Variants in PARG observed in about 807,000 individuals in gnomAD.
PARG encodes the protein mitochondrial poly(ADP-ribose) glycohydrolase.
A neutral mutation model predicts 113.0 loss-of-function variants in PARG; 35 were observed. The observed-to-expected ratio is 0.31, with a 90% CI of 0.24 to 0.41. The LOEUF (loss-of-function observed/expected upper bound fraction) is 0.41. Among genes scored for constraint, PARG ranks in the 10% least tolerant of loss-of-function variants. PARG has a pLI of 1.00. For synonymous variants in PARG, 330 were observed against 409.9 expected (o/e 0.81, Z 2.36); for missense variants, 797 against 1,169.4 (o/e 0.68, Z 4.64).
In PARG at chr10:49,933,678, A is replaced by G. The variant is rs1564669232; in HGVS notation, c.770T>C (p.Val257Ala). 3 of 1,610,758 alleles carry G rather than the reference A, an allele frequency of 1.9e-6. No individual in the cohort carries two copies. The highest frequency in any genetic ancestry group is 8.5e-7 in the Non-Finnish European group (1 of 1,176,988). Residue 257 changes from valine to alanine, a missense_variant, in exon 3 of 18, where the codon GTG becomes GCG. Val to Ala is a moderately conservative substitution (Grantham distance 64). Transcript: ENST00000616448. ...ATCTGACAATGGACTCTCTGGCACC[A>G]CATCTATCTCATCTTGCTGACAACT... is the stretch of plus-strand genomic sequence containing the variant. ...CASCQQDEID[V>A]VPESPLSDVG...
intron 7 of PARG, among the ~76,000 whole-genome samples, chr10:49,910,896 T>C (rs1292929381): frequency 1.3e-5 from 2 of 151,770 alleles, no homozygotes; most frequent in African/African-American, 4.8e-5. Flanking sequence ...TAAAAATACG[T>C]CCCCCATGCC....
intron 7 of PARG, among the ~76,000 whole-genome samples, chr10:49,907,824 G>C (rs748386208): frequency 3.3e-5 from 5 of 152,086 alleles, no homozygotes; most frequent in African/African-American, 1.2e-4. Flanking sequence ...TATAAATCAT[G>C]GGCAAGATTA....
intron 16 of PARG, among the ~76,000 whole-genome samples, chr10:49,827,158 A>G (rs1448284815): frequency 6.6e-6 from 1 of 152,246 alleles, no homozygotes; most frequent in Non-Finnish European, 1.5e-5. Context: ...CTGGAGTAGA[A>G]TCTTACAAGG....
At chr10:49,847,896 A>T (rs1329179179) in intron 13 of PARG, among the ~76,000 whole-genome samples, 1 of 144,528 alleles carries the variant, frequency 6.9e-6, no homozygotes, top group African/African-American at 2.6e-5. Context: ...TAGATGGGAC[A>T]AAAATGTAAA....
rs570851900 is a variant in PARG, at chr10:49,839,269, G to A, written c.2541+2681C>T. 5.3e-5 allele frequency among the ~76,000 whole-genome samples: 8 copies of A among 151,968 alleles called. No homozygotes were observed. The South Asian group carries it at 6.2e-4, about 12-fold the overall frequency. ...GGAGAATCACTTGTACCCGGGAGGC[G>A]GAAGTTGCAGTGAACTGAGACCACG... On this transcript the variant is annotated intron_variant, in intron 15 of 17. Coordinates refer to ENST00000616448, the MANE Select transcript of PARG (RefSeq NM_003631.5).
intron 10 of PARG, among the ~76,000 whole-genome samples, chr10:49,865,597 CCTT>C (rs1846468422): frequency 7.0e-6 from 1 of 143,824 alleles, no homozygotes; most frequent in East Asian, 2.0e-4. Flanking sequence ...AGTAGAAACT[CCTT>C]CTATAAAATA....
intron 7 of PARG, among the ~76,000 whole-genome samples, chr10:49,900,821 A>T (rs1420062047): frequency 2.0e-5 from 3 of 151,438 alleles, no homozygotes; most frequent in Admixed American, 2.0e-4. Context: ...ACTTTTGTAA[A>T]CACCACCAAA....
intron 15 of PARG, 197 bp from the exon 16 acceptor site, chr10:49,833,105 T>C: frequency 2.7e-6 from 1 of 376,622 alleles, no homozygotes; most frequent in African/African-American, 2.1e-5. Flanking sequence ...AGGAAGAGAC[T>C]AAGAAATGAT....
chr10:49,832,436 T>C (rs1186394990), intron 16 of PARG, among the ~76,000 whole-genome samples: 1 of 152,218 alleles, frequency 6.6e-6, no homozygotes, highest in Non-Finnish European at 1.5e-5. Context: ...AGAGGTGCTA[T>C]TAAATTTGGT....
chr10:49,894,775 G>A lies in PARG; in HGVS notation c.1738-9480C>T, dbSNP rs139654035. Among the ~76,000 whole-genome samples, 1,337 of 152,250 alleles carry A rather than the reference G, an allele frequency of 8.8e-3. 11 individuals carry two copies. The highest frequency in any genetic ancestry group is 0.03 in the African/African-American group (1,248 of 41,532). On this transcript the variant is annotated intron_variant, in intron 7 of 17. Transcript: ENST00000616448. Reference sequence around the variant, plus strand: ...TATCATATTGTATTCATTTCCTTGAGCTGCTGTGACAAAGAACCACAAACC... The same window carrying A: ...TATCATATTGTATTCATTTCCTTGAACTGCTGTGACAAAGAACCACAAACC...
chr10:49,889,701 T>C (rs1847674572), intron 7 of PARG, among the ~76,000 whole-genome samples: 1 of 152,240 alleles, frequency 6.6e-6, no homozygotes, highest in South Asian at 2.1e-4. Context: ...CTTAACAGGC[T>C]GACACGTCTC....
At chr10:49,858,858 T>C (rs1331851882) in intron 12 of PARG, among the ~76,000 whole-genome samples, 1 of 152,064 alleles carries the variant, frequency 6.6e-6, no homozygotes, top group Non-Finnish European at 1.5e-5. Context: ...TGGCTTAAAC[T>C]GTCCAATTCA....
At chr10:49,925,754 C>G (rs1838121474) in intron 4 of PARG, among the ~76,000 whole-genome samples, 1 of 152,210 alleles carries the variant, frequency 6.6e-6, no homozygotes, top group African/African-American at 2.4e-5. Flanking sequence ...AGGGGCCTGC[C>G]AGGAGTGCCC....
At chr10:49,939,411 G>C (rs1838908761) in intron 1 of PARG, among the ~76,000 whole-genome samples, 1 of 152,138 alleles carries the variant, frequency 6.6e-6, no homozygotes, top group Non-Finnish European at 1.5e-5. Context: ...ACATAGTAAG[G>C]TTAAGTATTA....
At chr10:49,895,244 A>C (rs550195078) in intron 7 of PARG, among the ~76,000 whole-genome samples, 5 of 152,158 alleles carry the variant, frequency 3.3e-5, no homozygotes, top group Non-Finnish European at 7.3e-5. Flanking sequence ...TAAGTATCCA[A>C]AGCAATTCAC....
intron 15 of PARG, among the ~76,000 whole-genome samples, chr10:49,838,660 T>G (rs1287849743): frequency 6.6e-6 from 1 of 152,080 alleles, no homozygotes; most frequent in Non-Finnish European, 1.5e-5. Context: ...GAATGCCTCA[T>G]AGAGAGTAAA....
chr10:49,835,268 G>C (rs1844859600), intron 15 of PARG, among the ~76,000 whole-genome samples: 1 of 152,122 alleles, frequency 6.6e-6, no homozygotes, highest in Admixed American at 6.6e-5. Context: ...CAGAGCAAGA[G>C]TACTTGAGAA....
intron 7 of PARG, among the ~76,000 whole-genome samples, chr10:49,914,280 T>C (rs539665992): frequency 6.6e-6 from 1 of 152,352 alleles, no homozygotes; most frequent in African/African-American, 2.4e-5. Context: ...ATACAAATGT[T>C]ATGTCCTGAT....
At position 49,850,018 on chromosome 10, in the gene PARG, A is replaced by G. The variant is rs1410580086; in HGVS notation, c.2354-6386T>C. On this transcript the variant is annotated intron_variant, in intron 13 of 17. Transcript: ENST00000616448. ...GGGTGACAGAGATCCTGTGTCTAAA[A>G]AAAGAAAAAATAAATAATATTTTTA... 1.3e-4 allele frequency among the ~76,000 whole-genome samples: 19 copies of G among 151,656 alleles called. 1 individual carries two copies. The highest frequency in any genetic ancestry group is 1.3e-3 in the Admixed American group (19 of 15,196).
Sources: allele counts gnomAD v4.1 joint callset (sites outside exome capture counted in the v4.1 genomes callset), GRCh38; gene constraint gnomAD v4.1.1; transcripts MANE v1.5; gene names NCBI Gene and HGNC (gene_info 2026-07-23, HGNC 2026-07-21).